Variants in SRPK2 observed in about 807,000 individuals in gnomAD.
SRPK2 encodes SFRS protein kinase 2.
SRPK2 carries 21 observed loss-of-function variants against 90.8 expected under a neutral mutation model. The ratio of observed to expected loss-of-function variants is 0.23; its 90% CI spans 0.16 to 0.33. The LOEUF is 0.33. SRPK2 is among the 10% of genes least tolerant of loss of function. SRPK2 has a pLI of 1.00. For missense variants in SRPK2, 620 were observed against 869.0 expected (o/e 0.71, Z 3.60); for synonymous variants, 288 against 311.1 (o/e 0.93, Z 0.78).
chr7:105,276,242 G>A (rs1352905178), intron 2 of SRPK2, among the ~76,000 whole-genome samples: 1 of 151,540 alleles, frequency 6.6e-6, no homozygotes, highest in Non-Finnish European at 1.5e-5. Context: ...CACTATGCTT[G>A]GCTAATTTTT....
chr7:105,270,732 TATG>T (rs1433121278), intron 2 of SRPK2, among the ~76,000 whole-genome samples: 1 of 152,082 alleles, frequency 6.6e-6, no homozygotes, highest in Non-Finnish European at 1.5e-5. Context: ...TTAATAGCTG[TATG>T]ACCTTGGAGA....
chr7:105,210,953 G>A (rs1796781232), intron 2 of SRPK2, among the ~76,000 whole-genome samples: 1 of 152,140 alleles, frequency 6.6e-6, no homozygotes, highest in African/African-American at 2.4e-5. Context: ...ACGAACTCAA[G>A]GAAATGAGTT....
chr7:105,141,153 A>AG (rs1803698547), intron 11 of SRPK2, among the ~76,000 whole-genome samples: 1 of 152,210 alleles, frequency 6.6e-6, no homozygotes, highest in South Asian at 2.1e-4. Flanking sequence ...GCAAATCCTT[A>AG]GGAGGATTCA....
At chr7:105,142,923 G>A (rs1320354460) in intron 10 of SRPK2, among the ~76,000 whole-genome samples, 161 bp downstream of exon 10, 1 of 152,222 alleles carries the variant, frequency 6.6e-6, no homozygotes, top group Non-Finnish European at 1.5e-5. Flanking sequence ...GTTCACAAAT[G>A]AAGTACGAGG....
intron 3 of SRPK2, among the ~76,000 whole-genome samples, chr7:105,176,114 A>C (rs1791809048): frequency 6.6e-6 from 1 of 152,238 alleles, no homozygotes; most frequent in South Asian, 2.1e-4. Context: ...ATATATCAAA[A>C]GGATAAAACA....
intron 2 of SRPK2, among the ~76,000 whole-genome samples, chr7:105,243,842 A>G (rs1585323860): frequency 6.6e-6 from 1 of 152,342 alleles, no homozygotes; most frequent in East Asian, 1.9e-4. Flanking sequence ...ACACGTGAGA[A>G]GTGGAATGAA....
intron 2 of SRPK2, among the ~76,000 whole-genome samples, chr7:105,245,460 A>AT (rs1443699746): frequency 6.6e-6 from 1 of 152,230 alleles, no homozygotes; most frequent in African/African-American, 2.4e-5. Context: ...GTTTTAAGCT[A>AT]TATTAATGAG....
chr7:105,149,649 GGC>G (rs1562991111), intron 7 of SRPK2, among the ~76,000 whole-genome samples: 1 of 152,066 alleles, frequency 6.6e-6, no homozygotes, highest in East Asian at 1.9e-4. Flanking sequence ...GGTGTGGAGG[GGC>G]AGGCCACTCC....
chr7:105,257,632 A>G (rs1396482809), intron 2 of SRPK2, among the ~76,000 whole-genome samples: 1 of 152,178 alleles, frequency 6.6e-6, no homozygotes, highest in Non-Finnish European at 1.5e-5. Flanking sequence ...CACAGAGAGC[A>G]TATGGCTCAG....
At chr7:105,329,902 G>A in intron 2 of SRPK2, among the ~76,000 whole-genome samples, 1 of 151,756 alleles carries the variant, frequency 6.6e-6, no homozygotes, top group East Asian at 1.9e-4. Context: ...GGGTGTGGCG[G>A]CACACACCTC....
At chr7:105,372,946 G>T (rs1366426074) in intron 2 of SRPK2, among the ~76,000 whole-genome samples, 4 of 152,092 alleles carry the variant, frequency 2.6e-5, no homozygotes, top group Non-Finnish European at 5.9e-5. Flanking sequence ...AAAATTAGCT[G>T]GGCATGGTGT....
chr7:105,165,117 G>C (rs1789868082), intron 6 of SRPK2, among the ~76,000 whole-genome samples: 1 of 152,132 alleles, frequency 6.6e-6, no homozygotes, highest in Non-Finnish European at 1.5e-5. Flanking sequence ...TGAGCTACAG[G>C]TTTTGGGATA....
chr7:105,257,461 T>A (rs915848154), intron 2 of SRPK2, among the ~76,000 whole-genome samples: 1 of 152,228 alleles, frequency 6.6e-6, no homozygotes, highest in African/African-American at 2.4e-5. Flanking sequence ...AGGTGATACT[T>A]GAAACCTGGT....
At chr7:105,135,227 C>A (rs1468727488) in intron 11 of SRPK2, among the ~76,000 whole-genome samples, 1 of 152,184 alleles carries the variant, frequency 6.6e-6, no homozygotes, top group Non-Finnish European at 1.5e-5. Context: ...GTAAGACTGG[C>A]AAATGACTTA....
chr7:105,172,411 A>G (rs1487057487), intron 3 of SRPK2, among the ~76,000 whole-genome samples: 1 of 152,246 alleles, frequency 6.6e-6, no homozygotes, highest in East Asian at 1.9e-4. Context: ...AGTGTTGAAC[A>G]AAGAAAAGCA....
chr7:105,378,179 G>C (rs1340888744), intron 2 of SRPK2, among the ~76,000 whole-genome samples: 1 of 152,068 alleles, frequency 6.6e-6, no homozygotes, highest in African/African-American at 2.4e-5. Context: ...CGGCATGGAA[G>C]GTCCTTGCCC....
intron 2 of SRPK2, among the ~76,000 whole-genome samples, chr7:105,248,038 G>C (rs548476438): frequency 6.6e-6 from 1 of 152,174 alleles, no homozygotes; most frequent in East Asian, 1.9e-4. Flanking sequence ...ATTTTTAGTA[G>C]AGAGGGGTTT....
At chr7:105,245,001 A>T in intron 2 of SRPK2, 1 of 930,706 alleles carries the variant, frequency 1.1e-6, no homozygotes, top group Non-Finnish European at 1.7e-6. Context: ...CCTGAAATAA[A>T]GAACAGCTTG....
At chr7:105,339,180 T>C (rs1815458640) in intron 2 of SRPK2, among the ~76,000 whole-genome samples, 1 of 152,246 alleles carries the variant, frequency 6.6e-6, no homozygotes, top group Non-Finnish European at 1.5e-5. Flanking sequence ...AGATGAATAA[T>C]TTCATATTTT....
Sources: allele counts gnomAD v4.1 joint callset (sites outside exome capture counted in the v4.1 genomes callset), GRCh38; gene constraint gnomAD v4.1.1; transcripts MANE v1.5; gene names NCBI Gene and HGNC (gene_info 2026-07-23, HGNC 2026-07-21).